Variants in TRPM4 observed in about 807,000 individuals in gnomAD.
TRPM4 encodes calcium-activated non-selective cation channel 1.
TRPM4 carries 124 observed loss-of-function variants against 135.6 expected under a neutral mutation model. That is an observed-to-expected ratio of 0.91 (90% CI 0.79 to 1.06). The LOEUF (loss-of-function observed/expected upper bound fraction) is 1.06, where lower values mean the gene tolerates loss of function less well. TRPM4 is among the 50% of genes least tolerant of loss of function. The pLI, the probability that TRPM4 is intolerant of heterozygous loss-of-function variation, is 0.00. For missense variants in TRPM4, 1,658 were observed against 1,671.4 expected (o/e 0.99, Z 0.14); for synonymous variants, 745 against 705.6 (o/e 1.06, Z -0.88).
Position 49,171,643 on chromosome 19 carries a change from GGACTGC to G in TRPM4, c.925_930del (p.Asp309_Cys310del). ...TCGTGGCTGGCTCAGGGGGAGCTGC[GGACTGC>G]CTGGCGGAGACCCTGGAAGACACTC... is the stretch of plus-strand genomic sequence containing the variant. On this transcript the variant is annotated inframe_deletion, in exon 8 of 25. Transcript: ENST00000252826. The surrounding 1 kb of genome is among the most constrained non-coding windows in gnomAD (Gnocchi z 4.7). 1 of 1,613,896 alleles carries G rather than the reference GGACTGC, an allele frequency of 6.2e-7. No individual in the cohort carries two copies. Among genetic ancestry groups the G allele is most frequent in the Non-Finnish European group, 8.5e-7 (1 of 1,180,010 alleles).
rs1600543922 is a variant in TRPM4 at position 49,210,407 on chromosome 19, T to C, written c.3328+2T>C. ...CCTCCCCGGCCCTCGAGCATTTCCG[T>C]AAGAACAGAGCTTGGCTTAAAAAGG... On this transcript the variant is annotated splice_donor_variant, in intron 21 of 24. Coordinates refer to ENST00000252826, the MANE Select transcript of TRPM4 (RefSeq NM_017636.4). LOFTEE classifies it high-confidence loss of function. This position sits in a 1 kb window ranked among gnomAD's most constrained non-coding sequence, Gnocchi z 4.1. 6.2e-7 allele frequency: 1 copy of C among 1,613,062 alleles called. No homozygotes were observed. Among genetic ancestry groups the C allele is most frequent in the Non-Finnish European group, 8.5e-7 (1 of 1,179,980 alleles).
chr19:49,173,344 A>G (rs868301718), intron 9 of TRPM4, among the ~76,000 whole-genome samples: 30 of 151,924 alleles, frequency 2.0e-4, no homozygotes, highest in African/African-American at 6.8e-4. Context: ...TCACCTGTCC[A>G]TCCACACATC....
rs1968044051 is a variant in TRPM4 at position 49,182,892 on chromosome 19, C to G, written c.1578C>G (p.Asp526Glu). The G allele has an allele frequency of 6.2e-7, 1 of 1,600,162 alleles. No individual in the cohort carries two copies. ...GGTACCCCTCCGGGGGCGCCTGGGA[C>G]CCTCACCCAGGCCAGGGCTTCGGGG... ...APRYPSGGAW[D>E]PHPGQGFGES... The change falls in exon 11 of 25, where the codon GAC becomes GAG. Residue 526 changes from aspartate (D) to glutamate (E), a missense_variant. This residue lies in a region of TRPM4 where 1,412 missense variants were observed against 1,408.7 expected (regional missense o/e 1.00). Transcript: ENST00000252826.
intron 14 of TRPM4, 118 bp from the exon 15 acceptor site, chr19:49,190,090 T>C: frequency 1.2e-6 from 1 of 851,108 alleles, no homozygotes; most frequent in Non-Finnish European, 2.0e-6. Context: ...TCAATAGTTG[T>C]GGCTGTGACA....
intron 17 of TRPM4, among the ~76,000 whole-genome samples, chr19:49,199,282 G>A (rs1485465691): frequency 6.7e-6 from 1 of 150,064 alleles, no homozygotes; most frequent in Non-Finnish European, 1.5e-5. Context: ...TTTTTGAGAC[G>A]GAGTCTCGCT....
chr19:49,198,466 G>A (rs112070230), intron 17 of TRPM4, among the ~76,000 whole-genome samples: 3,519 of 151,954 alleles, frequency 0.023, 143 homozygotes, highest in African/African-American at 0.08. Flanking sequence ...GCCCAACATG[G>A]TGAAACCCCA....
rs866653920 is a variant in TRPM4, at chr19:49,184,977, C to T, written c.1743+1765C>T. Among the ~76,000 whole-genome samples, 163 of 151,190 alleles carry T rather than the reference C, an allele frequency of 1.1e-3. 1 individual carries two copies. The highest frequency in any genetic ancestry group is 3.7e-3 in the African/African-American group (151 of 41,156). On this transcript the variant is annotated intron_variant, in intron 12 of 24. Transcript: ENST00000252826. ...TTTAAAAAAATAAATTCAGTGTTCA[C>T]ATTTCTATAAAGAATTAACCCAGTT... is the stretch of plus-strand genomic sequence containing the variant.
In TRPM4 at chr19:49,178,511, G is replaced by A. The variant is rs145737919; in HGVS notation, c.1151-2838G>A. Among the ~76,000 whole-genome samples the A allele has an allele frequency of 4.3e-3, 647 of 152,152 alleles. 3 individuals carry two copies. The highest frequency in any genetic ancestry group is 0.015 in the African/African-American group (613 of 41,498). On this transcript the variant is annotated intron_variant, in intron 9 of 24. Transcript: ENST00000252826. The stretch of plus-strand genomic sequence containing the variant: ...CATGAAGCTTGGGGGCTGATGGCCT[G>A]TGAGATGGGAGGAGCAGGAAGGGAC...
At chr19:49,166,748 C>G (rs1461357758) in intron 3 of TRPM4, among the ~76,000 whole-genome samples, 1 of 150,454 alleles carries the variant, frequency 6.6e-6, no homozygotes. Flanking sequence ...CTCTCTGGGT[C>G]TCTGTCTCTG....
chr19:49,181,936 T>C (rs1466850682), intron 10 of TRPM4, among the ~76,000 whole-genome samples: 1 of 142,850 alleles, frequency 7.0e-6, no homozygotes, highest in African/African-American at 2.7e-5. Context: ...TCTTGTTTCC[T>C]CTCTCCCCAC....
At chr19:49,176,252 C>G (rs768153047) in intron 9 of TRPM4, among the ~76,000 whole-genome samples, 1 of 151,206 alleles carries the variant, frequency 6.6e-6, no homozygotes, top group African/African-American at 2.4e-5. Flanking sequence ...TTTTTTGAGA[C>G]AGTCTCACTC....
intron 16 of TRPM4, among the ~76,000 whole-genome samples, chr19:49,191,213 T>C (rs1222522828): frequency 6.6e-6 from 1 of 152,066 alleles, no homozygotes; most frequent in Non-Finnish European, 1.5e-5. Flanking sequence ...GTTCTTTTTT[T>C]CTTTTTTTTT....
rs1600544652 is a variant in TRPM4, at chr19:49,210,577, A to G, written c.3329-133A>G. On this transcript the variant is annotated intron_variant, in intron 21 of 24. Coordinates refer to ENST00000252826, the MANE Select transcript of TRPM4 (RefSeq NM_017636.4). This position sits in a 1 kb window ranked among gnomAD's most constrained non-coding sequence, Gnocchi z 4.1. ...CACTGAGGGGCAGTGCTTACGGGTG[A>G]GGGGCGGGGCATGTTCTCGAATCAC... 2.0e-6 allele frequency: 3 copies of G among 1,474,092 alleles called. No individual in the cohort carries two copies. In the East Asian group the frequency reaches 6.9e-5, roughly 34 times the overall value. The allele number at this position is 1,474,092 out of a possible 1,614,324, so 91.3% of individuals were successfully genotyped here.
intron 17 of TRPM4, 83 bp from the exon 18 acceptor site, chr19:49,200,217 T>C (rs1968860365): frequency 6.2e-7 from 1 of 1,608,808 alleles, no homozygotes; most frequent in Non-Finnish European, 8.5e-7. Context: ...TGCAGCTTCC[T>C]CTGAAGGATG....
In TRPM4 at chr19:49,183,002, C is replaced by T. The variant is rs1188723465; in HGVS notation, c.1609-76C>T. The T allele has an allele frequency of 2.5e-6, 4 of 1,601,342 alleles. No individual in the cohort carries two copies. In the East Asian group the frequency reaches 8.9e-5, roughly 36 times the overall value. Reference sequence around the variant, plus strand: ...GGATTACATCAGGGATGGGGCGTGGCCAAACCAGAGGCAGGGCTGGTGGTG... The same window carrying T: ...GGATTACATCAGGGATGGGGCGTGGTCAAACCAGAGGCAGGGCTGGTGGTG... On this transcript the variant is annotated intron_variant, in intron 11 of 24. Transcript: ENST00000252826.
chr19:49,158,504 C>A lies in TRPM4; in HGVS notation c.92+245C>A, dbSNP rs1164479618. On this transcript the variant is annotated intron_variant, in intron 2 of 24. Coordinates refer to ENST00000252826, the MANE Select transcript of TRPM4 (RefSeq NM_017636.4). ...TCCAGGGCTCGGTTCTGCTTCTTTC[C>A]TCCCCGATGTCTCTTCTATGTGCTT... The A allele has an allele frequency of 4.3e-5, 24 of 554,388 alleles. No homozygotes were observed. In the South Asian group the frequency reaches 4.9e-4, roughly 11 times the overall value. 34.3% of individuals were successfully genotyped at this position (554,388 alleles called of 1,614,324 possible).
At position 49,210,507 on chromosome 19, in the gene TRPM4, AG is replaced by A; in HGVS notation, c.3328+104del. ...CCCAAATGACTAACGGGCGTGGCTT[AG>A]GTAGCGAGGGGCGGGGTTTAAGCAA... On this transcript the variant is annotated intron_variant, in intron 21 of 24. Transcript: ENST00000252826. This position sits in a 1 kb window ranked among gnomAD's most constrained non-coding sequence, Gnocchi z 4.1. 6.8e-6 allele frequency: 10 copies of A among 1,479,410 alleles called. No individual in the cohort carries two copies. The highest frequency in any genetic ancestry group is 9.2e-6 in the Non-Finnish European group (10 of 1,081,464). The allele number at this position is 1,479,410 out of a possible 1,614,324, so 91.6% of individuals were successfully genotyped here.
chr19:49,182,656 G>C lies in TRPM4; in HGVS notation c.1342G>C (p.Gly448Arg). 1 of 1,614,158 alleles carries C rather than the reference G, an allele frequency of 6.2e-7. No individual in the cohort carries two copies. Among genetic ancestry groups the C allele is most frequent in the Non-Finnish European group, 8.5e-7 (1 of 1,180,050 alleles). The change falls in exon 11 of 25, where the codon GGC (glycine) becomes CGC (arginine). Residue 448 changes from glycine to arginine, a missense_variant. By Grantham distance (125) the Gly-to-Arg change is moderately radical (BLOSUM62 -2). Transcript: ENST00000252826. ...PEFVRLLISHGLSLGHFLTPM... is the reference protein window; with the variant it reads ...PEFVRLLISHRLSLGHFLTPM... ...GTTCGTGCGCTTGCTCATTTCCCAC[G>C]GCCTCAGCCTGGGCCACTTCCTGAC...
chr19:49,201,946 G>C lies in TRPM4; in HGVS notation c.2954-18G>C. ...TCTCTGTCCCCCTCACCCCATCTCT[G>C]AATGTCTCTCTTCACAGTGGCCCTC... On this transcript the variant is annotated intron_variant, in intron 19 of 24. Coordinates refer to ENST00000252826, the MANE Select transcript of TRPM4 (RefSeq NM_017636.4). 3.1e-6 allele frequency: 5 copies of C among 1,612,838 alleles called. No individual in the cohort carries two copies. The highest frequency in any genetic ancestry group is 3.4e-6 in the Non-Finnish European group (4 of 1,179,932).
Sources: gnomAD v4.1 joint callset for allele counts (sites outside exome capture counted in the v4.1 genomes callset) on GRCh38, gnomAD v4.1.1 for gene constraint, gnomAD v4.1.1 regional missense constraint, Gnocchi (gnomAD v3.1) non-coding constraint, MANE v1.5 for transcripts, NCBI Gene and HGNC (gene_info 2026-07-23, HGNC 2026-07-21) for gene names.